TLL2: variants seen among roughly 807,000 people sequenced by gnomAD.
TLL2 encodes the protein tolloid-like protein 2.
TLL2 carries 106 observed loss-of-function variants against 123.0 expected under a neutral mutation model. That is an observed-to-expected ratio of 0.86 (90% CI 0.74 to 1.01). The LOEUF is 1.01. Ranked by LOEUF, TLL2 falls within the 50% of genes least tolerant of loss-of-function variation. The probability of loss-of-function intolerance (pLI) is 0.00; values close to 1 mark genes in which losing one functional copy is unlikely to be tolerated. For missense variants in TLL2, 1,332 were observed against 1,336.7 expected (o/e 1.00, Z 0.06); for synonymous variants, 494 against 516.8 (o/e 0.96, Z 0.60).
rs1364895118 is a variant in TLL2, at chr10:96,395,599, A to G, written c.1531-217T>C. ...GAAGAGTCTAAGAGGATAAATAGAGAAGAACAATTCTACCAAACTTCCCTG... is the reference window on the plus strand; with the variant it reads ...GAAGAGTCTAAGAGGATAAATAGAGGAGAACAATTCTACCAAACTTCCCTG... On this transcript the variant is annotated intron_variant, in intron 12 of 20. Coordinates refer to ENST00000357947, the MANE Select transcript of TLL2 (RefSeq NM_012465.4). Among the ~76,000 whole-genome samples, 3 of 152,160 alleles carry G rather than the reference A, an allele frequency of 2.0e-5. No individual in the cohort carries two copies. The South Asian group carries it at 6.2e-4, about 32-fold the overall frequency.
chr10:96,372,734 T>C (rs1846096103), intron 19 of TLL2, among the ~76,000 whole-genome samples: 1 of 152,184 alleles, frequency 6.6e-6, no homozygotes, highest in Admixed American at 6.5e-5. Flanking sequence ...GCAAAATACC[T>C]GGGCCGGAGT....
chr10:96,491,054 G>A (rs1847407183), intron 1 of TLL2, among the ~76,000 whole-genome samples: 1 of 152,170 alleles, frequency 6.6e-6, no homozygotes, highest in South Asian at 2.1e-4. Context: ...CAGAGATGTA[G>A]AGCTTGAACA....
Position 96,386,993 on chromosome 10 carries a change from G to A in TLL2, c.1812C>T (p.Asp604=), listed in dbSNP as rs762845604. 17 of 1,614,090 alleles carry A rather than the reference G, an allele frequency of 1.1e-5. No individual in the cohort carries two copies. Among genetic ancestry groups the A allele is most frequent in the Non-Finnish European group, 1.4e-5 (17 of 1,180,038 alleles). Residue 604 remains aspartate (D), a synonymous_variant, in exon 14 of 21, where the codon GAC becomes GAT. Transcript: ENST00000357947. ...NTLGSYKCAC[D]PGYELAADKK... is the part of the protein sequence containing the mutation. ...TATCGGCGGCCAGCTCGTAGCCAGG[G>A]TCACAGGCACACTTGTAGCTGCCCA...
intron 2 of TLL2, among the ~76,000 whole-genome samples, 157 bp downstream of exon 2, chr10:96,480,192 T>C (rs1847298180): frequency 6.6e-6 from 1 of 152,156 alleles, no homozygotes; most frequent in African/African-American, 2.4e-5. Flanking sequence ...CTCCACTGGC[T>C]CCAGTGGAGA....
chr10:96,452,035 CCATT>C (rs1189381095), intron 2 of TLL2, among the ~76,000 whole-genome samples: 4 of 152,264 alleles, frequency 2.6e-5, no homozygotes, highest in Admixed American at 2.0e-4. Flanking sequence ...TATTCCTACT[CCATT>C]CATTCAGTAC....
chr10:96,421,178 T>A, intron 6 of TLL2, 117 bp from the exon 7 acceptor site: 1 of 722,050 alleles, frequency 1.4e-6, no homozygotes, highest in Non-Finnish European at 2.4e-6. Context: ...GCCCAATCAG[T>A]CAAATAACAG....
chr10:96,494,297 G>T (rs1847448750), intron 1 of TLL2, among the ~76,000 whole-genome samples: 1 of 152,198 alleles, frequency 6.6e-6, no homozygotes, highest in African/African-American at 2.4e-5. Flanking sequence ...CAGCCAGTCA[G>T]AGGGAGACCC....
intron 1 of TLL2, among the ~76,000 whole-genome samples, chr10:96,509,798 A>G (rs1439700525): frequency 6.6e-6 from 1 of 152,252 alleles, no homozygotes; most frequent in South Asian, 2.1e-4. Flanking sequence ...ATACAAAAAA[A>G]TAGCTGGGCA....
intron 1 of TLL2, among the ~76,000 whole-genome samples, chr10:96,493,248 A>T (rs1440603778): frequency 6.6e-6 from 1 of 152,216 alleles, no homozygotes; most frequent in African/African-American, 2.4e-5. Context: ...CTTAACTGCC[A>T]TGCGTCTTTG....
chr10:96,473,761 C>T (rs956871382), intron 2 of TLL2, among the ~76,000 whole-genome samples: 3 of 152,148 alleles, frequency 2.0e-5, no homozygotes, highest in African/African-American at 7.2e-5. Context: ...GAAATCAGAT[C>T]CAGATTTCCT....
chr10:96,402,475 C>T (rs1846405873), intron 10 of TLL2, among the ~76,000 whole-genome samples: 1 of 152,240 alleles, frequency 6.6e-6, no homozygotes, highest in South Asian at 2.1e-4. Context: ...ACCTCTGCTA[C>T]TGGGAATCCA....
At chr10:96,484,500 C>T (rs1404955335) in intron 1 of TLL2, among the ~76,000 whole-genome samples, 1 of 152,034 alleles carries the variant, frequency 6.6e-6, no homozygotes, top group African/African-American at 2.4e-5. Flanking sequence ...TACTCAACCT[C>T]ACTGAGCCAC....
intron 4 of TLL2, among the ~76,000 whole-genome samples, chr10:96,429,664 C>A (rs1452875303): frequency 6.6e-6 from 1 of 152,234 alleles, no homozygotes; most frequent in African/African-American, 2.4e-5. Flanking sequence ...CTGCACTTCG[C>A]CCCCTCATTT....
chr10:96,373,584 C>T lies in TLL2; in HGVS notation c.2662+12G>A. 3 of 1,612,462 alleles carry T rather than the reference C, an allele frequency of 1.9e-6. No individual in the cohort carries two copies. The highest frequency in any genetic ancestry group is 2.5e-6 in the Non-Finnish European group (3 of 1,178,576). On this transcript the variant is annotated intron_variant, in intron 19 of 20. Coordinates refer to ENST00000357947, the MANE Select transcript of TLL2 (RefSeq NM_012465.4). Reference sequence around the variant, plus strand: ...GCTCATCAGGTGGAAGCCAGTGTCCCACCCCAGGTACCTGTGCTGTGCACT... The same window carrying T: ...GCTCATCAGGTGGAAGCCAGTGTCCTACCCCAGGTACCTGTGCTGTGCACT...
rs1846636674 is a variant in TLL2 at position 96,422,643 on chromosome 10, A to G, written c.723T>C (p.Ala241=). Residue 241 remains alanine (A), a synonymous_variant, in exon 6 of 21, where the codon GCT becomes GCC. Coordinates refer to ENST00000357947, the MANE Select transcript of TLL2 (RefSeq NM_012465.4). ...GKNCDKFGIV[A]HELGHVVGFW... ...ACCCAACCACATGGCCCAGCTCGTG[A>G]GCCACAATGCCAAACTTGTCACAGT... 10 of 1,614,080 alleles carry G rather than the reference A, an allele frequency of 6.2e-6. No homozygotes were observed. The highest frequency in any genetic ancestry group is 8.5e-6 in the Non-Finnish European group (10 of 1,180,034).
intron 7 of TLL2, among the ~76,000 whole-genome samples, chr10:96,418,251 C>A (rs554592489): frequency 6.6e-6 from 1 of 152,278 alleles, no homozygotes; most frequent in African/African-American, 2.4e-5. Flanking sequence ...AAAAGAAAGA[C>A]AAGAAGAAAC....
chr10:96,415,571 A>C (rs982242581), intron 7 of TLL2, among the ~76,000 whole-genome samples: 6 of 151,622 alleles, frequency 4.0e-5, no homozygotes, highest in Admixed American at 3.3e-4. Flanking sequence ...TAGAAACTAC[A>C]GCACAGCAGA....
intron 2 of TLL2, among the ~76,000 whole-genome samples, chr10:96,463,292 C>T (rs1057162689): frequency 2.0e-5 from 3 of 152,134 alleles, no homozygotes; most frequent in Non-Finnish European, 4.4e-5. Flanking sequence ...AGCAAACGAA[C>T]GCAGCAAACG....
chr10:96,442,330 G>A (rs772026122), intron 3 of TLL2, among the ~76,000 whole-genome samples: 33 of 152,156 alleles, frequency 2.2e-4, no homozygotes, highest in Non-Finnish European at 4.3e-4. Flanking sequence ...GGGGGTGGTG[G>A]AAGGGGGGCA....
Sources: allele counts gnomAD v4.1 joint callset (sites outside exome capture counted in the v4.1 genomes callset), GRCh38; gene constraint gnomAD v4.1.1; transcripts MANE v1.5; gene names NCBI Gene and HGNC (gene_info 2026-07-23, HGNC 2026-07-21).